UNC13C: variants seen among roughly 807,000 people sequenced by gnomAD.
The protein encoded by UNC13C is protein unc-13 homolog C.
In UNC13C, 174 loss-of-function variants were observed where a neutral mutation model predicts 245.4. The observed-to-expected ratio is 0.71, with a 90% CI of 0.63 to 0.80. The LOEUF (loss-of-function observed/expected upper bound fraction) is 0.80. UNC13C is among the 30% of genes least tolerant of loss of function. UNC13C has a pLI of 0.00. For missense variants in UNC13C, 2,829 were observed against 2,602.9 expected (o/e 1.09, Z -1.89); for synonymous variants, 992 against 895.1 (o/e 1.11, Z -1.93).
At chr15:54,049,782 C>T (rs1897195335) in intron 2 of UNC13C, 1 of 253,090 alleles carries the variant, frequency 4.0e-6, no homozygotes, top group Middle Eastern at 5.2e-4. Context: ...AAACAATTCT[C>T]CATCTGGAGC....
the UNC13C span, among the ~76,000 whole-genome samples, chr15:53,859,951 C>A: frequency 6.6e-6 from 1 of 152,198 alleles, no homozygotes; most frequent in East Asian, 1.9e-4. Context: ...GCACTGTCCT[C>A]TTGCTCCTTG....
intron 2 of UNC13C, among the ~76,000 whole-genome samples, chr15:54,127,725 A>T (rs2115835): frequency 6.8e-6 from 1 of 146,472 alleles, no homozygotes; most frequent in Non-Finnish European, 1.5e-5. Flanking sequence ...ATATATATAT[A>T]AAATATATAT....
intron 13 of UNC13C, among the ~76,000 whole-genome samples, chr15:54,316,666 A>C (rs1239709200): frequency 6.6e-6 from 1 of 151,926 alleles, no homozygotes; most frequent in Non-Finnish European, 1.5e-5. Context: ...TGCTCAGTAA[A>C]TATTTGTTGG....
chr15:54,306,524 T>C (rs1409765228), intron 13 of UNC13C, among the ~76,000 whole-genome samples: 1 of 151,940 alleles, frequency 6.6e-6, no homozygotes, highest in Non-Finnish European at 1.5e-5. Flanking sequence ...ATATATGCAA[T>C]GTGTATGTTC....
the UNC13C span, among the ~76,000 whole-genome samples, chr15:53,931,035 G>T: frequency 6.6e-6 from 1 of 152,164 alleles, no homozygotes; most frequent in Non-Finnish European, 1.5e-5. Flanking sequence ...AGATTTGCCA[G>T]GGAAAGAACC....
At chr15:54,584,890 A>G (rs1193959921) in intron 30 of UNC13C, among the ~76,000 whole-genome samples, 2 of 152,204 alleles carry the variant, frequency 1.3e-5, no homozygotes, top group African/African-American at 4.8e-5. Flanking sequence ...AATTCTTCCA[A>G]CTGTAAGCAC....
intron 4 of UNC13C, among the ~76,000 whole-genome samples, chr15:54,229,521 A>G (rs2140810599): frequency 6.6e-6 from 1 of 152,236 alleles, no homozygotes; most frequent in African/African-American, 2.4e-5. Flanking sequence ...GAATAATTGT[A>G]CGTATTTATC....
chr15:54,385,679 C>T (rs903715371), intron 17 of UNC13C, among the ~76,000 whole-genome samples: 4 of 151,936 alleles, frequency 2.6e-5, no homozygotes, highest in Admixed American at 2.6e-4. Flanking sequence ...TAATATTATG[C>T]ACATTTCAAA....
chr15:54,629,413 T>C (rs1321064388), downstream of UNC13C: 2 of 152,080 alleles, frequency 1.3e-5, no homozygotes, highest in Non-Finnish European at 2.9e-5. Context: ...AACCTGGACA[T>C]GAACCCCTGA....
At chr15:54,363,268 C>A (rs1054524503) in intron 17 of UNC13C, among the ~76,000 whole-genome samples, 4 of 152,168 alleles carry the variant, frequency 2.6e-5, no homozygotes, top group African/African-American at 7.2e-5. Flanking sequence ...GCCAGCCCAC[C>A]CAGCCAATTT....
At chr15:54,215,353 G>T (rs1383491007) in intron 4 of UNC13C, among the ~76,000 whole-genome samples, 1 of 151,730 alleles carries the variant, frequency 6.6e-6, no homozygotes, top group Non-Finnish European at 1.5e-5. Context: ...TTCATTACTG[G>T]AAATACAATT....
At chr15:54,512,480 T>G in intron 24 of UNC13C, 1 of 420,908 alleles carries the variant, frequency 2.4e-6, no homozygotes, top group East Asian at 7.3e-5. Flanking sequence ...ATTTGCTTGT[T>G]TGGAACAGAC....
At chr15:54,519,294 T>C (rs1566884425) in intron 24 of UNC13C, among the ~76,000 whole-genome samples, 1 of 152,146 alleles carries the variant, frequency 6.6e-6, no homozygotes, top group Non-Finnish European at 1.5e-5. Context: ...AGCCTGAAGG[T>C]GTAATTTAAA....
the UNC13C span, among the ~76,000 whole-genome samples, chr15:53,840,930 T>C: frequency 8.5e-5 from 13 of 152,264 alleles, no homozygotes; most frequent in Non-Finnish European, 1.6e-4. Context: ...TCCTAAAGTA[T>C]TGGAATTCCA....
chr15:54,415,173 C>G, intron 19 of UNC13C, 106 bp downstream of exon 19: 1 of 805,004 alleles, frequency 1.2e-6, no homozygotes, highest in Non-Finnish European at 1.9e-6. Flanking sequence ...ACACTGATTA[C>G]TGTGATCAGT....
At chr15:54,205,613 C>G (rs751247034) in intron 4 of UNC13C, among the ~76,000 whole-genome samples, 2 of 152,002 alleles carry the variant, frequency 1.3e-5, no homozygotes, top group Non-Finnish European at 2.9e-5. Flanking sequence ...TTATTTCCAC[C>G]ATTTAGCCCC....
chr15:54,277,202 G>C (rs2036855918), intron 10 of UNC13C, among the ~76,000 whole-genome samples: 1 of 152,090 alleles, frequency 6.6e-6, no homozygotes. Flanking sequence ...GAAATGTTAA[G>C]AATGCCTTTA....
At chr15:54,340,019 T>A (rs1233333644) in intron 17 of UNC13C, among the ~76,000 whole-genome samples, 4 of 152,204 alleles carry the variant, frequency 2.6e-5, no homozygotes, top group Non-Finnish European at 4.4e-5. Context: ...GTGGTTTGGA[T>A]TTGTATTTCC....
Position 54,544,034 on chromosome 15 carries a change from C to T in UNC13C, c.5697-2688C>T, listed in dbSNP as rs1896367807. Among the ~76,000 whole-genome samples, 3 of 152,052 alleles carry T rather than the reference C, an allele frequency of 2.0e-5. No individual in the cohort carries two copies. The South Asian group carries it at 6.2e-4, about 32-fold the overall frequency. ...CCAATATCCCTGATGAACATCGATG[C>T]AAAAATCCTCAATAAAATACTGGAA... On this transcript the variant is annotated intron_variant, in intron 26 of 32. Transcript: ENST00000260323.
Sources: allele counts gnomAD v4.1 joint callset (sites outside exome capture counted in the v4.1 genomes callset), GRCh38; gene constraint gnomAD v4.1.1; transcripts MANE v1.5; gene names NCBI Gene and HGNC (gene_info 2026-07-23, HGNC 2026-07-21).